GLG1: variants seen among roughly 807,000 people sequenced by gnomAD.
The protein encoded by GLG1 is golgi glycoprotein 1, also known as Golgi apparatus protein 1.
In GLG1, 38 loss-of-function variants were observed where a neutral mutation model predicts 160.5. The observed-to-expected ratio is 0.24, with a 90% CI of 0.18 to 0.31. The LOEUF (loss-of-function observed/expected upper bound fraction) is 0.31, where lower values mean the gene tolerates loss of function less well. GLG1 is among the 10% of genes least tolerant of loss of function. The probability of loss-of-function intolerance (pLI) is 1.00; values close to 1 mark genes in which losing one functional copy is unlikely to be tolerated. For missense variants in GLG1, 1,373 were observed against 1,505.2 expected, an observed-to-expected ratio of 0.91 and a Z score of 1.45; for synonymous variants, 644 against 543.4, an observed-to-expected ratio of 1.19 and a Z score of -2.57.
intron 8 of GLG1, among the ~76,000 whole-genome samples, chr16:74,486,625 T>C (rs920111367): frequency 6.6e-6 from 1 of 152,190 alleles, no homozygotes; most frequent in Non-Finnish European, 1.5e-5. Context: ...GACAGGAGAA[T>C]AGGTACTTCA....
rs139612669 is a variant in GLG1, at chr16:74,585,194, G to A, written c.438+21463C>T. ...AGGCCAAGGCAGGCAGATCACCTGA[G>A]CTCAGGAGTTCAAGACTGGTCTGGC... On this transcript the variant is annotated intron_variant, in intron 1 of 25. Transcript: ENST00000422840. 7.2e-5 allele frequency among the ~76,000 whole-genome samples: 11 copies of A among 152,190 alleles called. No homozygotes were observed. In the East Asian group the frequency reaches 1.9e-3, roughly 27 times the overall value.
In GLG1 at chr16:74,448,396, C is replaced by A. The variant is rs995229575; in HGVS notation, c.*4771G>T. ...GCACCAGATGCTGCATTTTACAAAA[C>A]CACTTAGGTGCTGCCCAAATGGTGA... On this transcript the variant is annotated 3_prime_UTR_variant, in exon 26 of 26. Coordinates refer to ENST00000422840, the MANE Select transcript of GLG1 (RefSeq NM_001145667.2). 2 of 152,196 alleles carry A rather than the reference C, an allele frequency of 1.3e-5. No individual in the cohort carries two copies. The highest frequency in any genetic ancestry group is 4.8e-5 in the African/African-American group (2 of 41,440). The allele number at this position is 152,196 out of a possible 1,614,324, so 9.4% of individuals were successfully genotyped here. A position where few individuals can be genotyped will look rare whatever the true frequency, so the allele number is the denominator to read the frequency against.
At chr16:74,508,639 A>T (rs2016697353) in intron 3 of GLG1, among the ~76,000 whole-genome samples, 200 bp downstream of exon 3, 1 of 152,186 alleles carries the variant, frequency 6.6e-6, no homozygotes, top group African/African-American at 2.4e-5. Context: ...AACTGCCTCA[A>T]TCAATAGTAT....
intron 21 of GLG1, 40 bp downstream of exon 21, chr16:74,462,447 CT>C: frequency 6.4e-7 from 1 of 1,564,838 alleles, no homozygotes; most frequent in Middle Eastern, 1.7e-4. Flanking sequence ...GGGACAGAGG[CT>C]CCATAAATAC....
chr16:74,537,306 C>T (rs540931229), intron 1 of GLG1, among the ~76,000 whole-genome samples: 3 of 152,166 alleles, frequency 2.0e-5, no homozygotes, highest in East Asian at 1.9e-4. Context: ...TACTTGGAGA[C>T]ACCTGCTTGA....
At position 74,606,903 on chromosome 16, in the gene GLG1, G is replaced by A. The variant is rs772359686; in HGVS notation, c.192C>T (p.Pro64=). The change falls in exon 1 of 26, where the codon CCC becomes CCT. Residue 64 remains proline (P), a synonymous_variant. Transcript: ENST00000422840. ...GGGGPAGQQL[P]QLPQSSQLQQ... Reference sequence around the variant, plus strand: ...GAAGCTGCGATGACTGAGGCAGCTGGGGCAGCTGCTGACCCGCCGGGCCGC... The same window carrying A: ...GAAGCTGCGATGACTGAGGCAGCTGAGGCAGCTGCTGACCCGCCGGGCCGC... 6.2e-7 allele frequency: 1 copy of A among 1,604,794 alleles called. No individual in the cohort carries two copies. Among genetic ancestry groups the A allele is most frequent in the Non-Finnish European group, 8.5e-7 (1 of 1,177,186 alleles).
At chr16:74,459,942 G>T (rs2014718778) in intron 22 of GLG1, among the ~76,000 whole-genome samples, 153 bp from the exon 23 acceptor site, 1 of 151,794 alleles carries the variant, frequency 6.6e-6, no homozygotes, top group African/African-American at 2.4e-5. Flanking sequence ...TGCAACCTCT[G>T]CCTCCTAGGT....
chr16:74,604,201 T>A (rs942707836), intron 1 of GLG1, among the ~76,000 whole-genome samples: 4 of 151,876 alleles, frequency 2.6e-5, no homozygotes, highest in African/African-American at 7.3e-5. Context: ...TAATAAAAAA[T>A]TTTTTTTCAG....
At chr16:74,601,270 C>T (rs973924310) in intron 1 of GLG1, among the ~76,000 whole-genome samples, 34 of 152,034 alleles carry the variant, frequency 2.2e-4, no homozygotes, top group African/African-American at 8.0e-4. Flanking sequence ...ATAAGTTAGA[C>T]AGCAGAGATC....
intron 1 of GLG1, among the ~76,000 whole-genome samples, chr16:74,561,604 A>C (rs4411525): frequency 0.44 from 66,873 of 152,062 alleles, 15,547 homozygotes; most frequent in African/African-American, 0.58. Context: ...TTTCATGCTA[A>C]ATCAGCCAGT....
At position 74,483,136 on chromosome 16, in the gene GLG1, A is replaced by G; in HGVS notation, c.1572-12T>C. ...GGCACGACAAGATCCTAGCCATTAAATGTGTAAAATTGTAACAAGAGAGAA... is the reference window on the plus strand; with the variant it reads ...GGCACGACAAGATCCTAGCCATTAAGTGTGTAAAATTGTAACAAGAGAGAA... On this transcript the variant is annotated splice_polypyrimidine_tract_variant and intron_variant, in intron 9 of 25. Coordinates refer to ENST00000422840, the MANE Select transcript of GLG1 (RefSeq NM_001145667.2). 1.4e-6 allele frequency: 2 copies of G among 1,469,418 alleles called. No homozygotes were observed. Among genetic ancestry groups the G allele is most frequent in the Non-Finnish European group, 1.9e-6 (2 of 1,048,460 alleles). The allele number at this position is 1,469,418 out of a possible 1,614,324, so 91.0% of individuals were successfully genotyped here.
rs771736936 is a variant in GLG1, at chr16:74,468,949, C to T, written c.2433G>A (p.Glu811=). The T allele has an allele frequency of 6.3e-6, 10 of 1,575,380 alleles. No homozygotes were observed. The highest frequency in any genetic ancestry group is 8.7e-6 in the Non-Finnish European group (10 of 1,144,474). The change falls in exon 17 of 26, where the codon GAG becomes GAA. Residue 811 remains glutamate, a synonymous_variant. Transcript: ENST00000422840. The part of the protein sequence containing the change: ...CRRQLRVEEL[E]MTEDIRLEPD... ...AGCAGAGGCTGGGAGGCATTACCATCTCCAGCTCCTCCACACGGAGCTGCC... is the reference window on the plus strand; with the variant it reads ...AGCAGAGGCTGGGAGGCATTACCATTTCCAGCTCCTCCACACGGAGCTGCC...
rs759750295 is a variant in GLG1 at position 74,491,229 on chromosome 16, T to A, written c.1235-14A>T. The A allele has an allele frequency of 4.4e-5, 70 of 1,585,594 alleles. No homozygotes were observed. Among genetic ancestry groups the A allele is most frequent in the Non-Finnish European group, 6.0e-5 (69 of 1,154,378 alleles). Reference sequence around the variant, plus strand: ...TGACTTGTCGCCCTAAGTTAGGATGTAAGTCATAACATTACGAAGGGTGAT... The same window carrying A: ...TGACTTGTCGCCCTAAGTTAGGATGAAAGTCATAACATTACGAAGGGTGAT... On this transcript the variant is annotated splice_polypyrimidine_tract_variant and intron_variant, in intron 7 of 25. Transcript: ENST00000422840.
At chr16:74,504,156 C>A (rs1395837674) in intron 3 of GLG1, among the ~76,000 whole-genome samples, 1 of 152,112 alleles carries the variant, frequency 6.6e-6, no homozygotes, top group Non-Finnish European at 1.5e-5. Flanking sequence ...GAAGATTTGA[C>A]AAACAGGTGC....
intron 25 of GLG1, among the ~76,000 whole-genome samples, chr16:74,455,574 T>C (rs990001403): frequency 2.0e-5 from 3 of 152,208 alleles, no homozygotes; most frequent in African/African-American, 7.2e-5. Context: ...GAGCCCTCCC[T>C]TGTACCTTCC....
At chr16:74,478,006 AAATAAAT>A (rs1163664848) in intron 11 of GLG1, among the ~76,000 whole-genome samples, 1 of 151,576 alleles carries the variant, frequency 6.6e-6, no homozygotes, top group East Asian at 1.9e-4. Context: ...ATAAATAAAT[AAATAAAT>A]AAAATGTGCA....
chr16:74,560,631 C>G (rs1164259863), intron 1 of GLG1, among the ~76,000 whole-genome samples: 1 of 152,166 alleles, frequency 6.6e-6, no homozygotes, highest in Non-Finnish European at 1.5e-5. Context: ...TGAGCCACTG[C>G]GCCTAGCCCT....
intron 1 of GLG1, among the ~76,000 whole-genome samples, chr16:74,545,213 C>T (rs2018014036): frequency 6.6e-6 from 1 of 152,046 alleles, no homozygotes; most frequent in African/African-American, 2.4e-5. Context: ...CAGGGTCTCG[C>T]TCTGTCACCC....
chr16:74,581,784 C>A (rs1034546379), intron 1 of GLG1, among the ~76,000 whole-genome samples: 5 of 151,986 alleles, frequency 3.3e-5, no homozygotes, highest in South Asian at 2.1e-4. Context: ...TGGTGGCGGG[C>A]GCCTGTAATC....
Sources: gnomAD v4.1 joint callset for allele counts (sites outside exome capture counted in the v4.1 genomes callset) on GRCh38, gnomAD v4.1.1 for gene constraint, MANE v1.5 for transcripts, NCBI Gene and HGNC (gene_info 2026-07-23, HGNC 2026-07-21) for gene names.